ARPP21: variants seen among roughly 807,000 people sequenced by gnomAD.
ARPP21 encodes cAMP regulated phosphoprotein 21, also known as cAMP-regulated phosphoprotein 21.
ARPP21 carries 69 observed loss-of-function variants against 113.2 expected under a neutral mutation model. That is an observed-to-expected ratio of 0.61 (90% confidence interval 0.50 to 0.74). The LOEUF is 0.74. Ranked by LOEUF, ARPP21 falls within the 30% of genes least tolerant of loss-of-function variation. The pLI is 0.00. For synonymous variants in ARPP21, 368 were observed against 375.5 expected (o/e 0.98, Z 0.23); for missense variants, 1,070 against 1,037.4 (o/e 1.03, Z -0.43).
intron 1 of ARPP21, among the ~76,000 whole-genome samples, chr3:35,676,103 T>G (rs1043169438): frequency 1.3e-5 from 2 of 151,976 alleles, no homozygotes; most frequent in African/African-American, 2.4e-5. Context: ...TGTCACAATG[T>G]AGAACATTCT....
At chr3:35,678,516 C>G (rs899636355) in intron 1 of ARPP21, among the ~76,000 whole-genome samples, 5 of 151,866 alleles carry the variant, frequency 3.3e-5, no homozygotes, top group Middle Eastern at 3.4e-3. Context: ...CCACTTTTTT[C>G]CTAAATGCAT....
At chr3:35,751,223 C>T (rs900635846) in intron 19 of ARPP21, among the ~76,000 whole-genome samples, 1 of 152,156 alleles carries the variant, frequency 6.6e-6, no homozygotes, top group African/African-American at 2.4e-5. Flanking sequence ...GGATGTGTCT[C>T]ACCTCTGCTT....
chr3:35,662,095 T>C (rs777789966), intron 1 of ARPP21, among the ~76,000 whole-genome samples: 35 of 152,166 alleles, frequency 2.3e-4, no homozygotes, highest in Non-Finnish European at 2.6e-4. Flanking sequence ...CAAAATAGGA[T>C]GAGATTTCAG....
At chr3:35,775,812 C>A (rs1323124112) in intron 19 of ARPP21, among the ~76,000 whole-genome samples, 1 of 152,030 alleles carries the variant, frequency 6.6e-6, no homozygotes, top group Non-Finnish European at 1.5e-5. Context: ...TAAAGGCTAT[C>A]TATAATCTGT....
intron 11 of ARPP21, among the ~76,000 whole-genome samples, chr3:35,709,291 G>T (rs1046881608): frequency 2.0e-5 from 3 of 152,090 alleles, no homozygotes; most frequent in Non-Finnish European, 4.4e-5. Context: ...TGACTGGTGG[G>T]GGCATGTAGA....
chr3:35,774,351 G>C (rs143137344), intron 19 of ARPP21, among the ~76,000 whole-genome samples: 1 of 152,234 alleles, frequency 6.6e-6, no homozygotes, highest in Non-Finnish European at 1.5e-5. Flanking sequence ...AGGAAAATTT[G>C]CTTCTACATT....
intron 1 of ARPP21, among the ~76,000 whole-genome samples, chr3:35,666,338 C>T (rs1013514028): frequency 7.2e-5 from 11 of 151,990 alleles, no homozygotes; most frequent in African/African-American, 2.7e-4. Flanking sequence ...CAAAAATATC[C>T]CTGAATTCTT....
At chr3:35,692,623 C>G (rs1016010696) in intron 9 of ARPP21, among the ~76,000 whole-genome samples, 2 of 151,602 alleles carry the variant, frequency 1.3e-5, no homozygotes, top group Non-Finnish European at 3.0e-5. Flanking sequence ...ATCACATAGT[C>G]ATAAATACTG....
intron 9 of ARPP21, among the ~76,000 whole-genome samples, chr3:35,700,861 C>G (rs2086078642): frequency 6.6e-6 from 1 of 151,480 alleles, no homozygotes; most frequent in African/African-American, 2.4e-5. Flanking sequence ...ACTTTCAGTT[C>G]TAGGGTACAT....
At chr3:35,713,841 C>T (rs12152483) in intron 11 of ARPP21, among the ~76,000 whole-genome samples, 16,961 of 152,136 alleles carry the variant, frequency 0.11, 972 homozygotes, top group Non-Finnish European at 0.12. Flanking sequence ...CTCAATAATT[C>T]CAATATCCAG....
chr3:35,737,511 G>A (rs1201218431), intron 16 of ARPP21, 149 bp downstream of exon 16: 2 of 536,824 alleles, frequency 3.7e-6, no homozygotes, highest in African/African-American at 3.8e-5. Flanking sequence ...TTTGCAGATT[G>A]ACAGGATTTT....
chr3:35,747,383 A>G (rs1161230796), intron 19 of ARPP21, among the ~76,000 whole-genome samples: 1 of 148,972 alleles, frequency 6.7e-6, no homozygotes, highest in African/African-American at 2.5e-5. Flanking sequence ...AAAAAAGAAC[A>G]CTAATGTCGA....
chr3:35,756,811 G>T (rs2095587562), intron 19 of ARPP21, among the ~76,000 whole-genome samples: 1 of 152,084 alleles, frequency 6.6e-6, no homozygotes, highest in Admixed American at 6.6e-5. Flanking sequence ...GCAGAAAGAA[G>T]GTCCAGATTA....
chr3:35,699,568 C>T (rs1377655851), intron 9 of ARPP21, among the ~76,000 whole-genome samples: 1 of 151,698 alleles, frequency 6.6e-6, no homozygotes, highest in Non-Finnish European at 1.5e-5. Context: ...AATGTACAGC[C>T]CTTCAGGTAC....
chr3:35,779,015 G>A (rs1266394870), intron 19 of ARPP21, among the ~76,000 whole-genome samples: 1 of 152,132 alleles, frequency 6.6e-6, no homozygotes, highest in Non-Finnish European at 1.5e-5. Flanking sequence ...TGATAGAAAT[G>A]AGCTGATAGT....
chr3:35,696,038 T>A (rs2083867748), intron 9 of ARPP21, among the ~76,000 whole-genome samples: 1 of 151,472 alleles, frequency 6.6e-6, no homozygotes. Context: ...AATGATATTG[T>A]CAATGACAGT....
At chr3:35,787,520 A>G (rs1322495918) in intron 19 of ARPP21, among the ~76,000 whole-genome samples, 1 of 152,160 alleles carries the variant, frequency 6.6e-6, no homozygotes, top group Non-Finnish European at 1.5e-5. Flanking sequence ...AGCCTCACCC[A>G]TACCTCACCC....
chr3:35,779,214 G>A (rs1325140256), intron 19 of ARPP21, among the ~76,000 whole-genome samples: 1 of 152,132 alleles, frequency 6.6e-6, no homozygotes, highest in Non-Finnish European at 1.5e-5. Flanking sequence ...TCCTAGTAAT[G>A]ACACAATAGC....
At chr3:35,778,800 A>G (rs1032903743) in intron 19 of ARPP21, among the ~76,000 whole-genome samples, 46 of 152,188 alleles carry the variant, frequency 3.0e-4, no homozygotes, top group African/African-American at 1.1e-3. Context: ...AGTGAGAATA[A>G]TAATGATACC....
Sources: gnomAD v4.1 joint callset for allele counts (sites outside exome capture counted in the v4.1 genomes callset) on GRCh38, gnomAD v4.1.1 for gene constraint, MANE v1.5 for transcripts, NCBI Gene and HGNC (gene_info 2026-07-23, HGNC 2026-07-21) for gene names.